The following GOSR1 variants were observed in gnomAD, a reference collection of about 807,000 sequenced individuals.
GOSR1 encodes golgi SNAP receptor complex member 1.
GOSR1 carries 21 observed loss-of-function variants against 35.5 expected under a neutral mutation model. The ratio of observed to expected loss-of-function variants is 0.59; its 90% CI spans 0.42 to 0.85. The LOEUF is 0.85. Among genes scored for constraint, GOSR1 ranks in the 40% least tolerant of loss-of-function variants. GOSR1 has a pLI of 0.00. For missense variants in GOSR1, 285 were observed against 309.6 expected (o/e 0.92, Z 0.60); for synonymous variants, 94 against 106.6 (o/e 0.88, Z 0.73).
chr17:30,505,404 GA>G (rs938093864), intron 6 of GOSR1, among the ~76,000 whole-genome samples: 2 of 151,602 alleles, frequency 1.3e-5, no homozygotes, highest in African/African-American at 4.8e-5. Flanking sequence ...GCTCTACAAA[GA>G]AAAAAAATAA....
intron 6 of GOSR1, among the ~76,000 whole-genome samples, chr17:30,504,817 C>T: frequency 6.6e-6 from 1 of 152,146 alleles, no homozygotes. Flanking sequence ...ACATTGAATA[C>T]AAATTATAAT....
At chr17:30,499,626 C>G (rs1390256843) in intron 6 of GOSR1, among the ~76,000 whole-genome samples, 1 of 152,232 alleles carries the variant, frequency 6.6e-6, no homozygotes, top group Non-Finnish European at 1.5e-5. Flanking sequence ...CAGGCGTGAG[C>G]CACTGTACCC....
chr17:30,482,820 G>C (rs1914439694), intron 2 of GOSR1: 1 of 152,200 alleles, frequency 6.6e-6, no homozygotes. Flanking sequence ...AGCAAGTAAA[G>C]AGAATGAAGA....
chr17:30,509,807 A>T (rs183445599), intron 6 of GOSR1, among the ~76,000 whole-genome samples: 5 of 152,080 alleles, frequency 3.3e-5, no homozygotes, highest in East Asian at 3.9e-4. Flanking sequence ...AATTTTAGTT[A>T]AAAAAAAGCC....
At chr17:30,514,370 T>G (rs1282463104) in intron 7 of GOSR1, among the ~76,000 whole-genome samples, 3 of 152,218 alleles carry the variant, frequency 2.0e-5, no homozygotes, top group African/African-American at 7.2e-5. Flanking sequence ...CTTTATTCCC[T>G]TATTATGCTG....
rs34897756 is a variant in GOSR1 at position 30,522,593 on chromosome 17, TAA to T, written c.*230_*231del. 0.023 allele frequency: 5,734 copies of T among 246,850 alleles called. No homozygotes were observed. Among genetic ancestry groups the T allele is most frequent in the East Asian group, 0.034 (500 of 14,714 alleles). 15.3% of individuals were successfully genotyped at this position (246,850 alleles called of 1,614,324 possible). On this transcript the variant is annotated 3_prime_UTR_variant, in exon 9 of 9. Transcript: ENST00000451249. ...TCTAACACATTTTTCTGTTTTTAAT[TAA>T]AAAAAAAAAAAAAAGGTTTTCAGTT...
chr17:30,489,012 GC>G (rs1356086008), intron 4 of GOSR1, among the ~76,000 whole-genome samples: 9 of 152,216 alleles, frequency 5.9e-5, no homozygotes, highest in African/African-American at 2.2e-4. Context: ...AGTACAAAAA[GC>G]AAGGTGTACA....
intron 6 of GOSR1, among the ~76,000 whole-genome samples, chr17:30,508,133 G>GTAA (rs1427489791): frequency 6.6e-6 from 1 of 152,216 alleles, no homozygotes. Context: ...AACTTGTTTA[G>GTAA]TAAGACATTT....
chr17:30,502,099 G>T (rs1252447195), intron 6 of GOSR1, among the ~76,000 whole-genome samples: 1 of 152,348 alleles, frequency 6.6e-6, no homozygotes, highest in Non-Finnish European at 1.5e-5. Flanking sequence ...CAGCCAGTCT[G>T]TGAAGGCTAC....
intron 7 of GOSR1, among the ~76,000 whole-genome samples, chr17:30,514,765 C>G (rs1339881491): frequency 2.0e-5 from 3 of 152,098 alleles, no homozygotes; most frequent in Non-Finnish European, 4.4e-5. Context: ...TGAATTGATC[C>G]TTTCTTACCT....
At chr17:30,488,611 G>A (rs111283321) in intron 4 of GOSR1, among the ~76,000 whole-genome samples, 2,658 of 145,378 alleles carry the variant, frequency 0.018, 84 homozygotes, top group African/African-American at 0.065. Context: ...TCAACTCACT[G>A]TAACCTCTGC....
chr17:30,521,157 TTC>T (rs771611126), intron 8 of GOSR1, among the ~76,000 whole-genome samples: 11 of 140,812 alleles, frequency 7.8e-5, no homozygotes, highest in African/African-American at 1.8e-4. Flanking sequence ...CTCCCATAAG[TTC>T]TCTCTCTCTT....
At chr17:30,480,321 G>C (rs1248121294) in intron 1 of GOSR1, 1 of 147,336 alleles carries the variant, frequency 6.8e-6, no homozygotes, top group Non-Finnish European at 1.5e-5. Flanking sequence ...AAAAAAAAAA[G>C]AAAAAAAAAG....
At chr17:30,505,653 TG>T (rs1264985904) in intron 6 of GOSR1, among the ~76,000 whole-genome samples, 60 of 152,360 alleles carry the variant, frequency 3.9e-4, no homozygotes, top group African/African-American at 1.2e-3. Flanking sequence ...TGATCTTTGA[TG>T]TTACTCTTGT....
In GOSR1 at chr17:30,480,459, C is replaced by A. The variant is rs190858287; in HGVS notation, c.32-684C>A. Among the ~76,000 whole-genome samples, 23 of 152,196 alleles carry A rather than the reference C, an allele frequency of 1.5e-4. 1 individual carries two copies. The East Asian group carries it at 3.9e-3, about 26-fold the overall frequency. On this transcript the variant is annotated intron_variant, in intron 1 of 8. Transcript: ENST00000451249. The stretch of plus-strand genomic sequence containing the variant: ...AACATTAACTGGTAAGTTGATAATG[C>A]TGGTCATAAACCATATTTTTAGTTC...
Position 30,481,236 on chromosome 17 carries a change from C to A in GOSR1, c.125C>A (p.Thr42Asn), listed in dbSNP as rs1260454670. Residue 42 changes from threonine (T) to asparagine (N), a missense_variant, in exon 2 of 9, where the codon ACC becomes AAC. This residue lies in a region of GOSR1 where 108 missense variants were observed against 98.9 expected (regional missense o/e 1.09). Coordinates refer to ENST00000451249, the MANE Select transcript of GOSR1 (RefSeq NM_001007025.2). The stretch of plus-strand genomic sequence containing the variant: ...TGTACAAGTTACAGTCATAGCAGTA[C>A]CCGAGATGGAAGACGCGACAGGTAT... ...KLCTSYSHSS[T>N]RDGRRDSSDT... 1.2e-6 allele frequency: 2 copies of A among 1,606,860 alleles called. No individual in the cohort carries two copies. Among genetic ancestry groups the A allele is most frequent in the Non-Finnish European group, 8.5e-7 (1 of 1,173,646 alleles).
rs1915121563 is a variant in GOSR1 at position 30,492,687 on chromosome 17, A to C, written c.443A>C (p.Lys148Thr). 6.3e-7 allele frequency: 1 copy of C among 1,587,884 alleles called. No homozygotes were observed. The highest frequency in any genetic ancestry group is 1.1e-5 in the South Asian group (1 of 90,244). Residue 148 changes from lysine to threonine, a missense_variant, in exon 6 of 9, where the codon AAA becomes ACA. Transcript: ENST00000451249. ...TTTCTCTTTTGTCCCAGGTCATATA[A>C]AAGTGGGTCTGGAGTAAACAACAGA... ...GSVRKDIESY[K>T]SGSGVNNRRT...
chr17:30,478,013 G>C (rs1234838222), intron 1 of GOSR1: 13 of 783,186 alleles, frequency 1.7e-5, no homozygotes, highest in Non-Finnish European at 2.0e-5. Flanking sequence ...TTCCAGGACT[G>C]GGTGTTTGAA....
chr17:30,494,347 C>T (rs1185719882), intron 6 of GOSR1, among the ~76,000 whole-genome samples: 3 of 152,200 alleles, frequency 2.0e-5, no homozygotes, highest in African/African-American at 4.8e-5. Flanking sequence ...AAGTAACTTT[C>T]GTTTTTGGCT....
Sources: gnomAD v4.1 joint callset for allele counts (sites outside exome capture counted in the v4.1 genomes callset) on GRCh38, gnomAD v4.1.1 for gene constraint, gnomAD v4.1.1 regional missense constraint, MANE v1.5 for transcripts, NCBI Gene and HGNC (gene_info 2026-07-23, HGNC 2026-07-21) for gene names.